HCN1: variants seen among roughly 807,000 people sequenced by gnomAD.
HCN1 encodes potassium/sodium hyperpolarization-activated cyclic nucleotide-gated channel 1.
A neutral mutation model predicts 78.9 loss-of-function variants in HCN1; 13 were observed. The ratio of observed to expected loss-of-function variants is 0.16; its 90% CI spans 0.11 to 0.26. HCN1 has a LOEUF of 0.26. Among genes scored for constraint, HCN1 ranks in the 10% least tolerant of loss-of-function variants. The pLI is 1.00. For synonymous variants in HCN1, 552 were observed against 455.5 expected, an observed-to-expected ratio of 1.21 and a Z score of -2.70; for missense variants, 810 against 1,154.3, an observed-to-expected ratio of 0.70 and a Z score of 4.32.
intron 6 of HCN1, among the ~76,000 whole-genome samples, chr5:45,268,220 T>G (rs1561081885): frequency 6.6e-6 from 1 of 152,226 alleles, no homozygotes; most frequent in Non-Finnish European, 1.5e-5. Context: ...AATTTAGATT[T>G]CCAAAATATG....
At chr5:45,348,250 C>T (rs534253182) in intron 5 of HCN1, among the ~76,000 whole-genome samples, 1 of 152,266 alleles carries the variant, frequency 6.6e-6, no homozygotes, top group East Asian at 1.9e-4. Context: ...CCCAGAATTT[C>T]ATATCCAGCC....
In HCN1 at chr5:45,271,381, C is replaced by G. The variant is rs572128145; in HGVS notation, c.1619-4128G>C. Among the ~76,000 whole-genome samples, 3 of 151,694 alleles carry G rather than the reference C, an allele frequency of 2.0e-5. No individual in the cohort carries two copies. In the South Asian group the frequency reaches 6.3e-4, roughly 32 times the overall value. ...AGGTACACACACACACACACACACA[C>G]ACACACACACACACACACACAGACA... is the stretch of plus-strand genomic sequence containing the variant. On this transcript the variant is annotated intron_variant, in intron 6 of 7. Transcript: ENST00000303230.
At chr5:45,309,097 A>G (rs1745796604) in intron 5 of HCN1, among the ~76,000 whole-genome samples, 1 of 151,988 alleles carries the variant, frequency 6.6e-6, no homozygotes, top group Non-Finnish European at 1.5e-5. Context: ...TGTCAGCTGT[A>G]TTCCTAGTTA....
In HCN1 at chr5:45,684,666, G is replaced by A. The variant is rs536490990; in HGVS notation, c.425+11003C>T. Among the ~76,000 whole-genome samples the A allele has an allele frequency of 2.6e-5, 4 of 152,264 alleles. No homozygotes were observed. The East Asian group carries it at 5.8e-4, about 22-fold the overall frequency. ...GCTTGAGGTCAGGAGCTCAAGACCA[G>A]CCTGACCAACATGGTAAAACCCCAT... is the stretch of plus-strand genomic sequence containing the variant. On this transcript the variant is annotated intron_variant, in intron 1 of 7. Coordinates refer to ENST00000303230, the MANE Select transcript of HCN1 (RefSeq NM_021072.4).
chr5:45,627,232 C>T (rs946872014), intron 2 of HCN1, among the ~76,000 whole-genome samples: 7 of 152,228 alleles, frequency 4.6e-5, no homozygotes, highest in African/African-American at 1.7e-4. Flanking sequence ...AAATATAGAA[C>T]CTGCAAAATC....
intron 5 of HCN1, among the ~76,000 whole-genome samples, chr5:45,318,018 G>C (rs150172861): frequency 6.6e-6 from 1 of 152,076 alleles, no homozygotes; most frequent in Non-Finnish European, 1.5e-5. Context: ...GATTCCTCAA[G>C]CATCTAGAAT....
intron 2 of HCN1, among the ~76,000 whole-genome samples, chr5:45,489,557 C>A: frequency 6.6e-6 from 1 of 151,862 alleles, no homozygotes; most frequent in Non-Finnish European, 1.5e-5. Flanking sequence ...CAATAAAGTG[C>A]TCTCTGTTTC....
rs1166883194 is a variant in HCN1 at position 45,262,015 on chromosome 5, G to A, written c.2579C>T (p.Pro860Leu). The A allele has an allele frequency of 6.2e-7, 1 of 1,614,090 alleles. No homozygotes were observed. The highest frequency in any genetic ancestry group is 1.7e-5 in the Admixed American group (1 of 60,022). Residue 860 changes from proline (P) to leucine (L), a missense_variant, in exon 8 of 8, where the codon CCC becomes CTC. Pro to Leu is a moderately conservative substitution (Grantham distance 98, BLOSUM62 -3). This residue lies in a region of HCN1 where 398 missense variants were observed against 381.3 expected (regional missense o/e 1.04). Transcript: ENST00000303230. Reference protein sequence around the residue: ...IPPNRGVPPAPPPPAAALPRE... With the variant: ...IPPNRGVPPALPPPAAALPRE... ...TGGAAGAGCAGCTGCTGGTGGAGGG[G>A]GTGCTGGAGGGACTCCTCGGTTCGG... is the stretch of plus-strand genomic sequence containing the variant.
intron 1 of HCN1, among the ~76,000 whole-genome samples, chr5:45,658,874 G>T (rs1360783017): frequency 1.1e-4 from 17 of 149,360 alleles, no homozygotes; most frequent in African/African-American, 4.2e-4. Flanking sequence ...ACGAGGCTGG[G>T]GGAGGGGCGC....
chr5:45,480,534 C>A (rs772463055), intron 2 of HCN1, among the ~76,000 whole-genome samples: 17 of 152,088 alleles, frequency 1.1e-4, no homozygotes, highest in Non-Finnish European at 2.5e-4. Context: ...AAAGGGTGGG[C>A]ATATCAGAGC....
At chr5:45,375,987 T>C (rs1330786217) in intron 4 of HCN1, among the ~76,000 whole-genome samples, 1 of 118,208 alleles carries the variant, frequency 8.5e-6, no homozygotes, top group Non-Finnish European at 1.6e-5. Context: ...ATATATTATA[T>C]ATGATATAAT....
In HCN1 at chr5:45,353,140, T is replaced by A; in HGVS notation, c.1337A>T (p.Glu446Val). 1 of 1,611,992 alleles carries A rather than the reference T, an allele frequency of 6.2e-7. No homozygotes were observed. The highest frequency in any genetic ancestry group is 8.5e-7 in the Non-Finnish European group (1 of 1,178,686). The stretch of plus-strand genomic sequence containing the variant: ...ATTGAGTTCATTGAGAATATTTTCC[T>A]CATCAAAGATTTTGCCTTGGTATCT... Reference protein sequence around the residue: ...EHRYQGKIFDEENILNELNDP... With the variant: ...EHRYQGKIFDVENILNELNDP... The change falls in exon 5 of 8, where the codon GAG (glutamate) becomes GTG (valine). Residue 446 changes from glutamate (E) to valine (V), a missense_variant. This residue lies in a region of HCN1 where 100 missense variants were observed against 126.8 expected (regional missense o/e 0.79). Transcript: ENST00000303230.
intron 2 of HCN1, among the ~76,000 whole-genome samples, chr5:45,633,630 A>G (rs1745306629): frequency 6.6e-6 from 1 of 151,980 alleles, no homozygotes; most frequent in Non-Finnish European, 1.5e-5. Flanking sequence ...GTTACTATTC[A>G]TCTTTATATC....
Position 45,312,402 on chromosome 5 carries a change from A to G in HCN1, c.1378-8563T>C, listed in dbSNP as rs191811225. 2.6e-3 allele frequency among the ~76,000 whole-genome samples: 398 copies of G among 152,286 alleles called. 1 individual carries two copies. Among genetic ancestry groups the G allele is most frequent in the African/African-American group, 9.0e-3 (376 of 41,568 alleles). The stretch of plus-strand genomic sequence containing the variant: ...TGCTGGGGGCGGTTCCAAGATGGCC[A>G]AAGAGGAACGGCTCCAGTCTACAGC... On this transcript the variant is annotated intron_variant, in intron 5 of 7. Coordinates refer to ENST00000303230, the MANE Select transcript of HCN1 (RefSeq NM_021072.4).
At chr5:45,336,166 A>G (rs1222382754) in intron 5 of HCN1, among the ~76,000 whole-genome samples, 2 of 152,026 alleles carry the variant, frequency 1.3e-5, no homozygotes, top group African/African-American at 4.8e-5. Flanking sequence ...TCAGGCAGCA[A>G]CTGAGAGGGA....
intron 4 of HCN1, among the ~76,000 whole-genome samples, chr5:45,372,262 T>G (rs1443829993): frequency 8.5e-5 from 7 of 82,708 alleles, no homozygotes; most frequent in South Asian, 7.0e-4. Flanking sequence ...TATATATTTA[T>G]ATATATATTT....
intron 5 of HCN1, among the ~76,000 whole-genome samples, chr5:45,339,527 C>G (rs1746531861): frequency 6.6e-6 from 1 of 152,070 alleles, no homozygotes. Flanking sequence ...CATGAAGAGC[C>G]TCTGTGTCAT....
At chr5:45,323,532 G>A (rs113071966) in intron 5 of HCN1, among the ~76,000 whole-genome samples, 3,547 of 151,744 alleles carry the variant, frequency 0.023, 153 homozygotes, top group African/African-American at 0.082. Context: ...AATTCAACAA[G>A]ACAAACATAG....
At chr5:45,387,540 A>G (rs1747950869) in intron 4 of HCN1, among the ~76,000 whole-genome samples, 1 of 152,118 alleles carries the variant, frequency 6.6e-6, no homozygotes, top group South Asian at 2.1e-4. Context: ...GGGGCACTTC[A>G]TTACTCCTGG....
Sources: gnomAD v4.1 joint callset for allele counts (sites outside exome capture counted in the v4.1 genomes callset) on GRCh38, gnomAD v4.1.1 for gene constraint, gnomAD v4.1.1 regional missense constraint, MANE v1.5 for transcripts, NCBI Gene and HGNC (gene_info 2026-07-23, HGNC 2026-07-21) for gene names.